Variants in TENM2 observed in about 807,000 individuals in gnomAD.
The protein encoded by TENM2 is teneurin-2.
TENM2 carries 52 observed loss-of-function variants against 245.2 expected under a neutral mutation model. The observed-to-expected ratio is 0.21, with a 90% CI of 0.17 to 0.27. The LOEUF (loss-of-function observed/expected upper bound fraction) is 0.27. Among genes scored for constraint, TENM2 ranks in the 10% least tolerant of loss-of-function variants. The pLI is 1.00. For synonymous variants in TENM2, 1,363 were observed against 1,438.9 expected (o/e 0.95, Z 1.19); for missense variants, 3,046 against 3,666.8 (o/e 0.83, Z 4.37).
intron 1 of TENM2, among the ~76,000 whole-genome samples, chr5:167,373,399 T>A (rs1760557043): frequency 6.6e-6 from 1 of 152,224 alleles, no homozygotes; most frequent in Non-Finnish European, 1.5e-5. Context: ...GGAATGATCT[T>A]AATGTAATAG....
intron 2 of TENM2, among the ~76,000 whole-genome samples, chr5:167,698,339 A>G (rs1757907222): frequency 6.6e-6 from 1 of 152,194 alleles, no homozygotes; most frequent in South Asian, 2.1e-4. Flanking sequence ...CCAGCCTGTC[A>G]TAGACCATGT....
chr5:168,219,067 G>A (rs1006360191), intron 23 of TENM2, 68 bp downstream of exon 25: 17 of 1,457,474 alleles, frequency 1.2e-5, no homozygotes, highest in African/African-American at 7.1e-5. Context: ...GGACTGGGTC[G>A]CTTGTGTAGC....
chr5:167,032,540 G>A, the TENM2 span, among the ~76,000 whole-genome samples: 1 of 152,152 alleles, frequency 6.6e-6, no homozygotes, highest in Non-Finnish European at 1.5e-5. Context: ...GTCACTTCTT[G>A]AACACAGCTA....
the TENM2 span, among the ~76,000 whole-genome samples, chr5:167,180,352 GC>G: frequency 6.6e-6 from 1 of 151,930 alleles, no homozygotes; most frequent in Non-Finnish European, 1.5e-5. Flanking sequence ...CAGGTGATCT[GC>G]CCGCCTCAGC....
chr5:167,321,072 A>G (rs1228037014), intron 1 of TENM2, among the ~76,000 whole-genome samples: 1 of 152,172 alleles, frequency 6.6e-6, no homozygotes, highest in Non-Finnish European at 1.5e-5. Context: ...TAAATTCTCC[A>G]TTTTCAAATG....
At chr5:167,490,705 T>C (rs6863544) in intron 2 of TENM2, among the ~76,000 whole-genome samples, 34,575 of 152,032 alleles carry the variant, frequency 0.23, 4,012 homozygotes, top group East Asian at 0.36. Context: ...GAGTTAACAT[T>C]GATATAGAAA....
chr5:168,022,732 G>T (rs531166567), intron 5 of TENM2, among the ~76,000 whole-genome samples: 1 of 152,322 alleles, frequency 6.6e-6, no homozygotes, highest in Admixed American at 6.5e-5. Flanking sequence ...CATGTATAGT[G>T]TTTCTTTTTA....
At chr5:167,187,198 C>T in the TENM2 span, among the ~76,000 whole-genome samples, 4 of 152,274 alleles carry the variant, frequency 2.6e-5, no homozygotes, top group Admixed American at 1.3e-4. Flanking sequence ...GCATCCATTT[C>T]AGATAATCTG....
At chr5:167,691,814 G>A (rs1475391393) in intron 2 of TENM2, among the ~76,000 whole-genome samples, 1 of 152,150 alleles carries the variant, frequency 6.6e-6, no homozygotes, top group South Asian at 2.1e-4. Flanking sequence ...GCTGGCAGGG[G>A]AAAGAGAAGT....
chr5:167,431,355 G>T (rs965890595), intron 2 of TENM2, among the ~76,000 whole-genome samples: 1 of 152,076 alleles, frequency 6.6e-6, no homozygotes, highest in Non-Finnish European at 1.5e-5. Flanking sequence ...AGCAAAGAAG[G>T]CAGGAAAAAT....
chr5:167,552,628 A>G (rs990355112), intron 2 of TENM2, among the ~76,000 whole-genome samples: 1 of 152,234 alleles, frequency 6.6e-6, no homozygotes, highest in African/African-American at 2.4e-5. Context: ...AATGCCCATC[A>G]GCACTGGAGG....
At chr5:168,255,828 C>T (rs535330444) in intron 27 of TENM2, among the ~76,000 whole-genome samples, 53 of 151,948 alleles carry the variant, frequency 3.5e-4, no homozygotes, top group African/African-American at 1.2e-3. Context: ...TTTTTTGAGA[C>T]GAAGTCTCAC....
chr5:167,599,178 T>C (rs1476526873), intron 2 of TENM2, among the ~76,000 whole-genome samples: 1 of 152,206 alleles, frequency 6.6e-6, no homozygotes, highest in East Asian at 1.9e-4. Flanking sequence ...CGGAAAATGA[T>C]CAGCAGTTTA....
chr5:167,736,621 G>A (rs1199369812), intron 2 of TENM2, among the ~76,000 whole-genome samples: 4 of 149,768 alleles, frequency 2.7e-5, no homozygotes, highest in East Asian at 2.0e-4. Flanking sequence ...TTAAAAACTC[G>A]ACTCTAATAA....
At chr5:168,215,252 C>G (rs1001086429) in exon 21 of TENM2, 1 of 1,613,824 alleles carries the variant, frequency 6.2e-7, no homozygotes, top group African/African-American at 1.3e-5. Context: ...GCCATAGATG[C>G]AACCCTGATG....
At chr5:167,208,447 C>T in the TENM2 span, among the ~76,000 whole-genome samples, 2 of 152,126 alleles carry the variant, frequency 1.3e-5, no homozygotes, top group African/African-American at 4.8e-5. Context: ...AAACTGCTAA[C>T]TTAGAAGTGA....
the TENM2 span, among the ~76,000 whole-genome samples, chr5:167,218,605 A>G: frequency 6.6e-6 from 1 of 152,202 alleles, no homozygotes; most frequent in Non-Finnish European, 1.5e-5. Context: ...CTAGCATGAA[A>G]GGAAAAATGA....
the TENM2 span, among the ~76,000 whole-genome samples, chr5:167,197,417 G>T: frequency 6.6e-6 from 1 of 152,064 alleles, no homozygotes; most frequent in Non-Finnish European, 1.5e-5. Flanking sequence ...ATCAACATTT[G>T]TTAAAGGAAT....
the TENM2 span, among the ~76,000 whole-genome samples, chr5:167,051,220 G>GAA: frequency 4.3e-5 from 6 of 138,736 alleles, no homozygotes; most frequent in South Asian, 2.3e-4. Context: ...AGGGGTGAAA[G>GAA]AAAAAAAAAA....
Sources: gnomAD v4.1 joint callset for allele counts (sites outside exome capture counted in the v4.1 genomes callset) on GRCh38, gnomAD v4.1.1 for gene constraint, MANE v1.5 for transcripts, NCBI Gene and HGNC (gene_info 2026-07-23, HGNC 2026-07-21) for gene names.